The following FARS2 variants were observed in gnomAD, a reference collection of about 807,000 sequenced individuals.
The protein encoded by FARS2 is phenylalanine--tRNA ligase, mitochondrial.
A neutral mutation model predicts 46.4 loss-of-function variants in FARS2; 40 were observed. The ratio of observed to expected loss-of-function variants is 0.86; its 90% CI spans 0.67 to 1.12. The LOEUF (loss-of-function observed/expected upper bound fraction) is 1.12, where lower values mean the gene tolerates loss of function less well. FARS2 is among the 50% of genes most tolerant of loss of function. The probability of loss-of-function intolerance (pLI) is 0.00; values close to 1 mark genes in which losing one functional copy is unlikely to be tolerated. For missense variants in FARS2, 513 were observed against 567.9 expected (o/e 0.90, Z 0.98); for synonymous variants, 234 against 214.9 (o/e 1.09, Z -0.78).
intron 4 of FARS2, among the ~76,000 whole-genome samples, chr6:5,479,493 T>C (rs977739412): frequency 3.9e-5 from 6 of 152,226 alleles, no homozygotes; most frequent in African/African-American, 1.2e-4. Context: ...CAGATAGTCA[T>C]CTAGTTTTAA....
chr6:5,712,254 A>G (rs1233114572), intron 6 of FARS2, among the ~76,000 whole-genome samples: 2 of 152,182 alleles, frequency 1.3e-5, no homozygotes, highest in African/African-American at 4.8e-5. Context: ...TAGTGGCTCC[A>G]TAGAGTAACA....
chr6:5,763,644 G>C (rs1762599969), intron 6 of FARS2, among the ~76,000 whole-genome samples: 1 of 152,006 alleles, frequency 6.6e-6, no homozygotes, highest in African/African-American at 2.4e-5. Context: ...TGGCACCCAG[G>C]CCTCCTGCCT....
chr6:5,327,105 C>T (rs772004962), intron 1 of FARS2, among the ~76,000 whole-genome samples: 1 of 152,160 alleles, frequency 6.6e-6, no homozygotes, highest in Admixed American at 6.5e-5. Flanking sequence ...GCTCAATTTA[C>T]AAATTCCAGG....
At chr6:5,555,228 T>C (rs532736325) in intron 5 of FARS2, among the ~76,000 whole-genome samples, 1 of 152,284 alleles carries the variant, frequency 6.6e-6, no homozygotes, top group African/African-American at 2.4e-5. Flanking sequence ...CTCGTTATGA[T>C]TCTGAGGTCT....
rs143284827 is a variant in FARS2, at chr6:5,322,957, C to T, written c.-21-45593C>T. Among the ~76,000 whole-genome samples, 342 of 152,234 alleles carry T rather than the reference C, an allele frequency of 2.2e-3. 1 individual carries two copies. The highest frequency in any genetic ancestry group is 7.8e-3 in the African/African-American group (323 of 41,540). On this transcript the variant is annotated intron_variant, in intron 1 of 6. Coordinates refer to ENST00000274680, the MANE Select transcript of FARS2 (RefSeq NM_006567.5). Reference sequence around the variant, plus strand: ...TCTGATTAGTTTCATCATTTCACAGCGATAGCTCCCATCTTCAGTCCTTAC... The same window carrying T: ...TCTGATTAGTTTCATCATTTCACAGTGATAGCTCCCATCTTCAGTCCTTAC...
chr6:5,738,775 A>G lies in FARS2; in HGVS notation c.1218-32516A>G, dbSNP rs1030044222. Among the ~76,000 whole-genome samples, 121 of 21,922 alleles carry G rather than the reference A, an allele frequency of 5.5e-3. No homozygotes were observed. The African/African-American group carries it at 0.066, about 12-fold the overall frequency. The allele number at this position is 21,922 out of a possible 152,430, so 14.4% of individuals were successfully genotyped here. ...AACTTAACACAGACCATACATTTAGAAAAAAAAAATGCAGTTTCAAGACTC... is the reference window on the plus strand; with the variant it reads ...AACTTAACACAGACCATACATTTAGGAAAAAAAAATGCAGTTTCAAGACTC... On this transcript the variant is annotated intron_variant, in intron 6 of 6. Coordinates refer to ENST00000274680, the MANE Select transcript of FARS2 (RefSeq NM_006567.5).
At chr6:5,634,638 G>A (rs994038086) in intron 6 of FARS2, among the ~76,000 whole-genome samples, 2 of 152,032 alleles carry the variant, frequency 1.3e-5, no homozygotes, top group African/African-American at 4.8e-5. Context: ...AGTACTTTAG[G>A]TACCAGCTGT....
At chr6:5,751,989 G>C (rs760253520) in intron 6 of FARS2, among the ~76,000 whole-genome samples, 1 of 152,140 alleles carries the variant, frequency 6.6e-6, no homozygotes, top group Non-Finnish European at 1.5e-5. Flanking sequence ...GGTGTCCTGG[G>C]ATGCGTCATG....
chr6:5,358,484 A>G (rs540161349), intron 1 of FARS2, among the ~76,000 whole-genome samples: 62 of 152,244 alleles, frequency 4.1e-4, no homozygotes, highest in African/African-American at 1.5e-3. Context: ...GATGATTTTG[A>G]TATTTTTGTG....
intron 1 of FARS2, among the ~76,000 whole-genome samples, chr6:5,340,775 C>A (rs1669631117): frequency 6.6e-6 from 1 of 152,002 alleles, no homozygotes. Context: ...CTGGGTGCTG[C>A]TATGGTTGTA....
chr6:5,715,698 GC>G (rs1759451684), intron 6 of FARS2, among the ~76,000 whole-genome samples: 1 of 152,132 alleles, frequency 6.6e-6, no homozygotes, highest in Non-Finnish European at 1.5e-5. Flanking sequence ...GTATGAATAT[GC>G]CATACTTATC....
At chr6:5,302,569 G>C in intron 1 of FARS2, among the ~76,000 whole-genome samples, 1 of 152,170 alleles carries the variant, frequency 6.6e-6, no homozygotes, top group East Asian at 1.9e-4. Context: ...TTAGGAGGTG[G>C]ACACTATTAC....
chr6:5,465,897 T>G (rs1177311338), intron 4 of FARS2, among the ~76,000 whole-genome samples: 1 of 152,122 alleles, frequency 6.6e-6, no homozygotes, highest in African/African-American at 2.4e-5. Flanking sequence ...CAAAAATAGT[T>G]TATCAACCTC....
intron 4 of FARS2, among the ~76,000 whole-genome samples, chr6:5,531,870 C>T (rs1769860845): frequency 6.6e-6 from 1 of 152,186 alleles, no homozygotes; most frequent in Admixed American, 6.5e-5. Context: ...AGGCCTGCTT[C>T]TGGATGTGCA....
chr6:5,724,007 G>A (rs894105126), intron 6 of FARS2, among the ~76,000 whole-genome samples: 2 of 151,096 alleles, frequency 1.3e-5, no homozygotes, highest in Non-Finnish European at 3.0e-5. Flanking sequence ...GGCTGTCAGA[G>A]AAAGAGTGGG....
chr6:5,691,661 G>T (rs988322595), intron 6 of FARS2, among the ~76,000 whole-genome samples: 1 of 152,210 alleles, frequency 6.6e-6, no homozygotes, highest in African/African-American at 2.4e-5. Flanking sequence ...GAGGCAGTCT[G>T]CCTGTTCTCA....
intron 2 of FARS2, among the ~76,000 whole-genome samples, chr6:5,373,233 C>T (rs2127653039): frequency 6.6e-6 from 1 of 152,186 alleles, no homozygotes; most frequent in East Asian, 1.9e-4. Context: ...CTCAAAGTAC[C>T]AGTATCACTG....
At chr6:5,261,418 C>T (rs1765113145), upstream of FARS2, 2 of 153,172 alleles carry the variant, frequency 1.3e-5, no homozygotes, top group African/African-American at 2.4e-5. Context: ...TTCCTCAGGC[C>T]GGGGGATGCG....
At chr6:5,349,028 CTA>C (rs1412580089) in intron 1 of FARS2, among the ~76,000 whole-genome samples, 4 of 152,122 alleles carry the variant, frequency 2.6e-5, no homozygotes, top group African/African-American at 9.7e-5. Flanking sequence ...AGAAAGAAAA[CTA>C]TGTCTATTTG....
Sources: allele counts gnomAD v4.1 joint callset (sites outside exome capture counted in the v4.1 genomes callset), GRCh38; gene constraint gnomAD v4.1.1; transcripts MANE v1.5; gene names NCBI Gene and HGNC (gene_info 2026-07-23, HGNC 2026-07-21).